Variants in TRPC6 observed in about 807,000 individuals in gnomAD.
TRPC6 encodes transient receptor potential cation channel subfamily C member 6.
In TRPC6, 55 loss-of-function variants were observed where a neutral mutation model predicts 90.7. That is an observed-to-expected ratio of 0.61 (90% CI 0.49 to 0.76). The LOEUF is 0.76. Ranked by LOEUF, TRPC6 falls within the 30% of genes least tolerant of loss-of-function variation. The pLI is 0.00. For missense variants in TRPC6, 989 were observed against 1,122.7 expected, an observed-to-expected ratio of 0.88 and a Z score of 1.70; for synonymous variants, 393 against 393.0, an observed-to-expected ratio of 1.00 and a Z score of 0.00.
chr11:101,562,782 C>A (rs561114668), intron 1 of TRPC6, among the ~76,000 whole-genome samples: 1 of 152,280 alleles, frequency 6.6e-6, no homozygotes, highest in East Asian at 1.9e-4. Context: ...TGGATCCAGA[C>A]TGCTTGAGTT....
At chr11:101,526,725 G>T (rs528858270) in intron 1 of TRPC6, among the ~76,000 whole-genome samples, 5 of 151,380 alleles carry the variant, frequency 3.3e-5, no homozygotes, top group African/African-American at 4.9e-5. Context: ...TTAGCTGGGC[G>T]TGGTGGCGGG....
chr11:101,513,586 A>AC (rs1860446978), intron 1 of TRPC6, among the ~76,000 whole-genome samples: 1 of 151,692 alleles, frequency 6.6e-6, no homozygotes. Flanking sequence ...ATGCACCAAA[A>AC]AAATGGTAAG....
chr11:101,482,338 T>G (rs1439569433), intron 5 of TRPC6, among the ~76,000 whole-genome samples: 1 of 152,196 alleles, frequency 6.6e-6, no homozygotes, highest in Admixed American at 6.5e-5. Flanking sequence ...GCAAGCTACA[T>G]GTATGATTGA....
intron 9 of TRPC6, among the ~76,000 whole-genome samples, chr11:101,470,585 T>C (rs552900897): frequency 3.2e-4 from 49 of 152,322 alleles, no homozygotes; most frequent in African/African-American, 1.2e-3. Context: ...TAAACATATC[T>C]GAACATGCTG....
chr11:101,532,713 G>A (rs1256135302), intron 1 of TRPC6, among the ~76,000 whole-genome samples: 1 of 152,168 alleles, frequency 6.6e-6, no homozygotes, highest in African/African-American at 2.4e-5. Context: ...AGGATACTTT[G>A]AGGAGGAGAA....
At chr11:101,530,174 G>C (rs559983574) in intron 1 of TRPC6, among the ~76,000 whole-genome samples, 4 of 152,194 alleles carry the variant, frequency 2.6e-5, no homozygotes, top group East Asian at 1.9e-4. Flanking sequence ...AAGTAGGCTT[G>C]CTACCCTCAG....
intron 1 of TRPC6, among the ~76,000 whole-genome samples, chr11:101,549,718 AAC>A (rs1406852565): frequency 2.6e-5 from 4 of 151,284 alleles, no homozygotes; most frequent in African/African-American, 7.2e-5. Context: ...AAAATATAAA[AAC>A]ACAAATGAAA....
intron 10 of TRPC6, among the ~76,000 whole-genome samples, chr11:101,460,116 G>T (rs1858972142): frequency 6.6e-6 from 1 of 152,144 alleles, no homozygotes; most frequent in South Asian, 2.1e-4. Flanking sequence ...GGAAGGAAAA[G>T]CAGTGAATAT....
intron 1 of TRPC6, among the ~76,000 whole-genome samples, chr11:101,568,342 T>C (rs536277623): frequency 1.3e-5 from 2 of 152,218 alleles, no homozygotes; most frequent in East Asian, 3.9e-4. Context: ...GAACAAAGCC[T>C]CCAAGAAATA....
chr11:101,512,566 T>C (rs1013188108), intron 1 of TRPC6, among the ~76,000 whole-genome samples: 1 of 152,190 alleles, frequency 6.6e-6, no homozygotes, highest in Non-Finnish European at 1.5e-5. Context: ...TCATGTGTCA[T>C]GTCTTCCTAC....
At chr11:101,476,597 C>G in intron 5 of TRPC6, 63 bp from the exon 6 acceptor site, 2 of 1,460,986 alleles carry the variant, frequency 1.4e-6, no homozygotes, top group Admixed American at 3.4e-5. Context: ...TTCTATAAAA[C>G]AAAATATGTT....
chr11:101,555,659 C>T (rs949447739), intron 1 of TRPC6, among the ~76,000 whole-genome samples: 1 of 152,084 alleles, frequency 6.6e-6, no homozygotes, highest in Non-Finnish European at 1.5e-5. Flanking sequence ...TAAGAGAATG[C>T]AAACTTTTAA....
intron 1 of TRPC6, among the ~76,000 whole-genome samples, chr11:101,546,323 C>A (rs1365358820): frequency 4.5e-5 from 3 of 66,092 alleles, no homozygotes; most frequent in African/African-American, 1.3e-4. Context: ...CCACCCGCCT[C>A]GGCCTCCCAA....
chr11:101,495,221 C>G (rs1859914302), intron 2 of TRPC6, among the ~76,000 whole-genome samples: 1 of 152,078 alleles, frequency 6.6e-6, no homozygotes, highest in Non-Finnish European at 1.5e-5. Flanking sequence ...TAAAAGATAC[C>G]CGTTAAAATG....
At chr11:101,581,338 C>T (rs752830672) in intron 1 of TRPC6, among the ~76,000 whole-genome samples, 2 of 152,184 alleles carry the variant, frequency 1.3e-5, no homozygotes, top group African/African-American at 4.8e-5. Flanking sequence ...ACAAATTAGG[C>T]AGTAAGCCAC....
chr11:101,548,616 A>G (rs1861379764), intron 1 of TRPC6, among the ~76,000 whole-genome samples: 1 of 151,044 alleles, frequency 6.6e-6, no homozygotes, highest in African/African-American at 2.4e-5. Flanking sequence ...GTTCTCTGTG[A>G]TAGCAAAGCT....
In TRPC6 at chr11:101,583,617, C is replaced by A; in HGVS notation, c.-114G>T. The A allele has an allele frequency of 8.2e-7, 1 of 1,214,244 alleles. No homozygotes were observed. The highest frequency in any genetic ancestry group is 1.1e-6 in the Non-Finnish European group (1 of 924,808). 75.2% of individuals were successfully genotyped at this position (1,214,244 alleles called of 1,614,324 possible). A position where few individuals can be genotyped will look rare whatever the true frequency, so the allele number is the denominator to read the frequency against. On this transcript the variant is annotated 5_prime_UTR_variant, in exon 1 of 13. Coordinates refer to ENST00000344327, the MANE Select transcript of TRPC6 (RefSeq NM_004621.6). ...AGCGGCCGAACTGGACCTGGGCAGA[C>A]CGGTGCCCAGGGGACGACGGTGAAG...
At chr11:101,479,669 C>G (rs1346514083) in intron 5 of TRPC6, among the ~76,000 whole-genome samples, 3 of 152,054 alleles carry the variant, frequency 2.0e-5, no homozygotes, top group Non-Finnish European at 4.4e-5. Context: ...GAAACTGAAC[C>G]AGGAATCTAA....
Position 101,506,988 on chromosome 11 carries a change from G to A in TRPC6, c.171-2190C>T, listed in dbSNP as rs375385336. Among the ~76,000 whole-genome samples, 15 of 138,224 alleles carry A rather than the reference G, an allele frequency of 1.1e-4. No individual in the cohort carries two copies. In the East Asian group the frequency reaches 3.0e-3, roughly 28 times the overall value. The allele number at this position is 138,224 out of a possible 152,430, so 90.7% of individuals were successfully genotyped here. On this transcript the variant is annotated intron_variant, in intron 1 of 12. Transcript: ENST00000344327. Reference sequence around the variant, plus strand: ...ACTTCCCATTACACCATACCTTCACGTATCTCTCTCTCTCTCTAACACACA... The same window carrying A: ...ACTTCCCATTACACCATACCTTCACATATCTCTCTCTCTCTCTAACACACA...
Sources: allele counts gnomAD v4.1 joint callset (sites outside exome capture counted in the v4.1 genomes callset), GRCh38; gene constraint gnomAD v4.1.1; transcripts MANE v1.5; gene names NCBI Gene and HGNC (gene_info 2026-07-23, HGNC 2026-07-21).